Variants in GIPR observed in about 807,000 individuals in gnomAD.
GIPR encodes GIP-R.
Under a neutral mutation model 62.2 loss-of-function variants are expected in GIPR, and 74 were observed. The observed-to-expected ratio is 1.19, with a 90% CI of 0.99 to 1.44. GIPR has a LOEUF of 1.44. GIPR is among the 40% of genes most tolerant of loss of function. GIPR has a pLI of 0.00. For missense variants in GIPR, 664 were observed against 611.8 expected (o/e 1.09, Z -0.90); for synonymous variants, 256 against 262.2 (o/e 0.98, Z 0.23).
chr19:45,676,828 A>G, intron 7 of GIPR, 121 bp from the exon 8 acceptor site: 1 of 851,518 alleles, frequency 1.2e-6, no homozygotes, highest in South Asian at 1.3e-5. Context: ...TTCACTGGGG[A>G]CACAGAGTGG....
At chr19:45,676,832 A>C in intron 7 of GIPR, 117 bp from the exon 8 acceptor site, 1 of 890,136 alleles carries the variant, frequency 1.1e-6, no homozygotes, top group Non-Finnish European at 1.9e-6. Flanking sequence ...CTGGGGACAC[A>C]GAGTGGAAGA....
At chr19:45,680,367 CA>C (rs202180199) in intron 12 of GIPR, among the ~76,000 whole-genome samples, 4 of 147,690 alleles carry the variant, frequency 2.7e-5, no homozygotes, top group East Asian at 2.0e-4. Flanking sequence ...GTCTCAAAAA[CA>C]AAAAAAAAAT....
At chr19:45,674,976 C>A in intron 7 of GIPR, 150 bp downstream of exon 7, 4 of 714,382 alleles carry the variant, frequency 5.6e-6, no homozygotes, top group Non-Finnish European at 9.9e-6. Flanking sequence ...GGTGGGGGAT[C>A]AAGACACATT....
intron 9 of GIPR, 35 bp downstream of exon 9, chr19:45,677,418 T>C (rs747381910): frequency 2.8e-6 from 2 of 716,294 alleles, no homozygotes; most frequent in Non-Finnish European, 4.8e-6. Flanking sequence ...GCGTGGGAGG[T>C]GGGCGGGGCT....
intron 12 of GIPR, among the ~76,000 whole-genome samples, chr19:45,681,078 A>G (rs1037716401): frequency 6.6e-6 from 1 of 152,126 alleles, no homozygotes; most frequent in African/African-American, 2.4e-5. Flanking sequence ...CTTCTGGAGC[A>G]AGCAGTGGGG....
intron 3 of GIPR, 39 bp from the exon 4 acceptor site, chr19:45,671,246 T>C: frequency 8.3e-7 from 1 of 1,209,664 alleles, no homozygotes; most frequent in South Asian, 1.2e-5. Flanking sequence ...CACTGCGCAG[T>C]AGGTCCACTG....
chr19:45,669,646 G>A, intron 2 of GIPR, 54 bp downstream of exon 2: 1 of 1,538,982 alleles, frequency 6.5e-7, no homozygotes, highest in East Asian at 2.4e-5. Flanking sequence ...GTATGGGGAC[G>A]GTTTTAGGGC....
chr19:45,681,514 A>C, intron 12 of GIPR, 90 bp from the exon 13 acceptor site: 3 of 1,155,860 alleles, frequency 2.6e-6, no homozygotes. Flanking sequence ...AAACAAACAA[A>C]CAAACAAACA....
At chr19:45,674,444 C>A in intron 6 of GIPR, 1 of 624,920 alleles carries the variant, frequency 1.6e-6, no homozygotes, top group East Asian at 2.8e-5. Flanking sequence ...CTTGTCTCTA[C>A]GACAAATAAA....
chr19:45,677,269 T>G, intron 8 of GIPR, 54 bp from the exon 9 acceptor site: 1 of 1,392,104 alleles, frequency 7.2e-7, no homozygotes, highest in Non-Finnish European at 9.9e-7. Flanking sequence ...GCGGGGCCCG[T>G]GAGCGCGCTG....
At chr19:45,674,619 G>T in intron 6 of GIPR, 63 bp from the exon 7 acceptor site, 2 of 1,485,438 alleles carry the variant, frequency 1.3e-6, no homozygotes, top group East Asian at 2.3e-5. Context: ...AAAAAAAATA[G>T]AACTCTGTGT....
At chr19:45,678,868 G>A (rs772188886) in intron 12 of GIPR, among the ~76,000 whole-genome samples, 21 of 152,222 alleles carry the variant, frequency 1.4e-4, no homozygotes, top group Non-Finnish European at 2.6e-4. Flanking sequence ...CCTCAGGGTT[G>A]AGGGTAGGGA....
intron 12 of GIPR, among the ~76,000 whole-genome samples, chr19:45,679,966 C>CA (rs1422835609): frequency 6.6e-6 from 1 of 152,038 alleles, no homozygotes; most frequent in Admixed American, 6.6e-5. Flanking sequence ...GATGGGGTTT[C>CA]AACATGTTGG....
chr19:45,677,972 C>T lies in GIPR; in HGVS notation c.991C>T (p.Arg331Cys), dbSNP rs1159403383. 1 of 1,613,872 alleles carries T rather than the reference C, an allele frequency of 6.2e-7. No individual in the cohort carries two copies. The highest frequency in any genetic ancestry group is 8.5e-7 in the Non-Finnish European group (1 of 1,180,010). The change falls in exon 11 of 14, where the codon CGC becomes TGC. Residue 331 changes from arginine to cysteine, a missense_variant. Transcript: ENST00000590918. ...LLSKLRTRQM[R>C]CRDYRLRLAR... is the part of the protein sequence containing the mutation. ...GTCCAAGCTGAGGACACGGCAAATGCGCTGCCGGGATTACCGGCTGAGGTG... is the reference window on the plus strand; with the variant it reads ...GTCCAAGCTGAGGACACGGCAAATGTGCTGCCGGGATTACCGGCTGAGGTG...
chr19:45,676,080 G>A (rs897214670), intron 7 of GIPR, among the ~76,000 whole-genome samples: 1 of 151,770 alleles, frequency 6.6e-6, no homozygotes, highest in Admixed American at 6.6e-5. Context: ...GCACATGCCT[G>A]TAGTCCCAGC....
At chr19:45,671,688 C>T (rs1600289026) in intron 4 of GIPR, among the ~76,000 whole-genome samples, 1 of 152,304 alleles carries the variant, frequency 6.6e-6, no homozygotes, top group East Asian at 1.9e-4. Context: ...CAACTTCCGC[C>T]TCCCGGGTTC....
Position 45,677,383 on chromosome 19 carries a change from A to C in GIPR, c.854A>C (p.Gln285Pro). The C allele has an allele frequency of 8.2e-7, 1 of 1,223,444 alleles. No homozygotes were observed. The highest frequency in any genetic ancestry group is 1.2e-6 in the Non-Finnish European group (1 of 864,272). The allele number at this position is 1,223,444 out of a possible 1,614,324, so 75.8% of individuals were successfully genotyped here. The change falls in exon 9 of 14, where the codon CAG (glutamine) becomes CCG (proline). Residue 285 changes from glutamine to proline, a missense_variant and splice_region_variant. By Grantham distance (76) the Gln-to-Pro change is moderately conservative. Coordinates refer to ENST00000590918, the MANE Select transcript of GIPR (RefSeq NM_000164.4). Reference protein sequence around the residue: ...VIVRYLYENTQCWERNEVKAI... With the variant: ...VIVRYLYENTPCWERNEVKAI... Reference sequence around the variant, plus strand: ...GTCAGGTACCTGTACGAGAACACGCAGTGAGTTGCAGGGTCTGGGGCGGGG... The same window carrying C: ...GTCAGGTACCTGTACGAGAACACGCCGTGAGTTGCAGGGTCTGGGGCGGGG...
chr19:45,671,237 A>G, intron 3 of GIPR, 48 bp from the exon 4 acceptor site: 1 of 1,104,512 alleles, frequency 9.1e-7, no homozygotes, highest in Non-Finnish European at 1.4e-6. Context: ...CACTTGGCCC[A>G]CTGCGCAGTA....
intron 4 of GIPR, among the ~76,000 whole-genome samples, chr19:45,671,844 A>G (rs1393193712): frequency 6.6e-6 from 1 of 150,738 alleles, no homozygotes; most frequent in African/African-American, 2.4e-5. Flanking sequence ...CTGGTCTCGA[A>G]CTCCTAACCT....
Sources: allele counts gnomAD v4.1 joint callset (sites outside exome capture counted in the v4.1 genomes callset), GRCh38; gene constraint gnomAD v4.1.1; transcripts MANE v1.5; gene names NCBI Gene and HGNC (gene_info 2026-07-23, HGNC 2026-07-21).